DISC1: variants seen among roughly 807,000 people sequenced by gnomAD.
DISC1 encodes DISC1 scaffold protein, also known as disrupted in schizophrenia 1 protein.
Under a neutral mutation model 84.5 loss-of-function variants are expected in DISC1, and 57 were observed. That is an observed-to-expected ratio of 0.67 (90% CI 0.55 to 0.84). The LOEUF is 0.84. Ranked by LOEUF, DISC1 falls within the 40% of genes least tolerant of loss-of-function variation. The pLI, the probability that DISC1 is intolerant of heterozygous loss-of-function variation, is 0.00. For missense variants in DISC1, 1,000 were observed against 1,057.8 expected (o/e 0.95, Z 0.76); for synonymous variants, 411 against 415.2 (o/e 0.99, Z 0.12).
intron 4 of DISC1, among the ~76,000 whole-genome samples, chr1:231,764,845 C>A (rs1395164790): frequency 6.6e-6 from 1 of 152,114 alleles, no homozygotes; most frequent in Non-Finnish European, 1.5e-5. Flanking sequence ...CTTTGCCAGG[C>A]CAGTTTGTTA....
At chr1:232,007,887 G>A (rs545562863) in intron 10 of DISC1, among the ~76,000 whole-genome samples, 1 of 152,190 alleles carries the variant, frequency 6.6e-6, no homozygotes, top group Admixed American at 6.5e-5. Context: ...TTGAATCATG[G>A]GGGCAGTTTC....
At chr1:231,705,321 T>TAAAAAAA (rs5781665) in intron 3 of DISC1, among the ~76,000 whole-genome samples, 2 of 104,106 alleles carry the variant, frequency 1.9e-5, no homozygotes, top group Admixed American at 1.3e-4. Context: ...AAAAAATCAT[T>TAAAAAAA]AAAAAAAAAA....
chr1:231,907,108 CT>C (rs2088766187), intron 9 of DISC1, among the ~76,000 whole-genome samples: 1 of 81,352 alleles, frequency 1.2e-5, no homozygotes, highest in Non-Finnish European at 2.3e-5. Flanking sequence ...CCTTCCTTCT[CT>C]CCTTCCTTCC....
intron 1 of DISC1, among the ~76,000 whole-genome samples, chr1:231,660,945 T>C (rs966708863): frequency 3.3e-5 from 5 of 152,146 alleles, no homozygotes; most frequent in Admixed American, 1.3e-4. Flanking sequence ...CTGGTGGTGA[T>C]GAATTCTCTC....
chr1:231,721,290 G>A (rs1173348833), intron 3 of DISC1, among the ~76,000 whole-genome samples: 11 of 151,556 alleles, frequency 7.3e-5, no homozygotes, highest in African/African-American at 2.7e-4. Context: ...CCACACTACA[G>A]ATGAGAAAAA....
At chr1:231,885,166 C>T (rs2086591106) in intron 9 of DISC1, among the ~76,000 whole-genome samples, 1 of 152,148 alleles carries the variant, frequency 6.6e-6, no homozygotes. Context: ...AATAAAAATG[C>T]TGCCTTAGAG....
intron 10 of DISC1, among the ~76,000 whole-genome samples, chr1:231,978,892 G>A (rs1399187251): frequency 2.0e-5 from 3 of 152,278 alleles, no homozygotes; most frequent in East Asian, 1.9e-4. Flanking sequence ...CAACCCCCGG[G>A]CCATGGACCA....
At chr1:231,854,926 G>T (rs754022361) in intron 9 of DISC1, 80 of 619,358 alleles carry the variant, frequency 1.3e-4, no homozygotes, top group Non-Finnish European at 1.9e-4. Context: ...ATGTTGACCA[G>T]ACTGGTCTAA....
At chr1:231,696,920 G>T (rs879335627) in intron 2 of DISC1, among the ~76,000 whole-genome samples, 6 of 152,158 alleles carry the variant, frequency 3.9e-5, no homozygotes, top group Non-Finnish European at 5.9e-5. Context: ...ATTAAGTAAC[G>T]CTAGGCTGTA....
At chr1:231,883,902 G>A (rs2086475578) in intron 9 of DISC1, among the ~76,000 whole-genome samples, 1 of 152,112 alleles carries the variant, frequency 6.6e-6, no homozygotes, top group Admixed American at 6.5e-5. Flanking sequence ...GAAGTAAGAG[G>A]GGCTTCTTAC....
At chr1:231,668,503 T>A (rs1182329638) in intron 1 of DISC1, among the ~76,000 whole-genome samples, 1 of 152,172 alleles carries the variant, frequency 6.6e-6, no homozygotes, top group Non-Finnish European at 1.5e-5. Context: ...AGAGATGATT[T>A]TCAGAGTCAC....
intron 3 of DISC1, among the ~76,000 whole-genome samples, chr1:231,746,988 G>T (rs1483683050): frequency 1.3e-5 from 2 of 152,116 alleles, no homozygotes; most frequent in Admixed American, 6.6e-5. Context: ...GAATGCAGTG[G>T]CATGATCACA....
At position 231,907,214 on chromosome 1, in the gene DISC1, C is replaced by T. The variant is rs574361670; in HGVS notation, c.1982-51614C>T. On this transcript the variant is annotated intron_variant, in intron 9 of 12. Coordinates refer to ENST00000439617, the MANE Select transcript of DISC1 (RefSeq NM_018662.3). ...TAAGTTCTAGGGTACATGTGCACAACGTGCAGGTTTGTTACATATGTATAC... is the reference window on the plus strand; with the variant it reads ...TAAGTTCTAGGGTACATGTGCACAATGTGCAGGTTTGTTACATATGTATAC... 2.4e-3 allele frequency among the ~76,000 whole-genome samples: 351 copies of T among 149,330 alleles called. 3 individuals are homozygous for T. Among genetic ancestry groups the T allele is most frequent in the African/African-American group, 7.8e-3 (314 of 40,324 alleles).
At chr1:231,724,588 C>T (rs1375696880) in intron 3 of DISC1, among the ~76,000 whole-genome samples, 7 of 152,192 alleles carry the variant, frequency 4.6e-5, no homozygotes, top group Non-Finnish European at 1.0e-4. Flanking sequence ...AAGGCAGTCT[C>T]TCTTTTCTTC....
intron 9 of DISC1, among the ~76,000 whole-genome samples, chr1:231,891,378 T>C (rs2087203059): frequency 6.6e-6 from 1 of 152,324 alleles, no homozygotes; most frequent in African/African-American, 2.4e-5. Context: ...GTAAGACCAA[T>C]AGATCAGGAG....
chr1:231,760,836 G>A (rs1163480967), intron 4 of DISC1, among the ~76,000 whole-genome samples: 1 of 152,214 alleles, frequency 6.6e-6, no homozygotes, highest in Non-Finnish European at 1.5e-5. Context: ...GGGCCCAGGG[G>A]GCCTGAGTGC....
At chr1:231,873,260 C>T (rs902037933) in intron 9 of DISC1, among the ~76,000 whole-genome samples, 61 of 152,078 alleles carry the variant, frequency 4.0e-4, no homozygotes, top group African/African-American at 1.5e-3. Context: ...CATTAGTGCC[C>T]CGGTAAGAGA....
chr1:231,971,096 T>C (rs10864706), intron 10 of DISC1, among the ~76,000 whole-genome samples: 23,134 of 152,046 alleles, frequency 0.15, 3,500 homozygotes, highest in African/African-American at 0.39. Flanking sequence ...GTTTAATTAA[T>C]TAATGGTGAA....
intron 7 of DISC1, among the ~76,000 whole-genome samples, chr1:231,798,014 C>T (rs1034378636): frequency 2.2e-4 from 34 of 151,778 alleles, no homozygotes; most frequent in Admixed American, 2.0e-3. Flanking sequence ...TCACACAAAA[C>T]ACCTTTCTCT....
Sources: allele counts gnomAD v4.1 joint callset (sites outside exome capture counted in the v4.1 genomes callset), GRCh38; gene constraint gnomAD v4.1.1; transcripts MANE v1.5; gene names NCBI Gene and HGNC (gene_info 2026-07-23, HGNC 2026-07-21).